RNF150: variants seen among roughly 807,000 people sequenced by gnomAD.
RNF150 encodes ring finger protein 150.
Under a neutral mutation model 39.3 loss-of-function variants are expected in RNF150, and 24 were observed. That is an observed-to-expected ratio of 0.61 (90% CI 0.44 to 0.86). The LOEUF is 0.86. Among genes scored for constraint, RNF150 ranks in the 40% least tolerant of loss-of-function variants. The probability of loss-of-function intolerance (pLI) is 0.00; values close to 1 mark genes in which losing one functional copy is unlikely to be tolerated. For synonymous variants in RNF150, 255 were observed against 227.3 expected, an observed-to-expected ratio of 1.12 and a Z score of -1.10; for missense variants, 502 against 587.8, an observed-to-expected ratio of 0.85 and a Z score of 1.51.
rs145144457 is a variant in RNF150, at chr4:140,956,800, G to A, written c.736-7428C>T. On this transcript the variant is annotated intron_variant, in intron 2 of 6. Transcript: ENST00000515673. ...GACAAACCTGAGAAAAACAAGCAAT[G>A]GGGAAAGGATTCCCTATTTAATAAA... 2.8e-3 allele frequency among the ~76,000 whole-genome samples: 430 copies of A among 151,972 alleles called. 1 individual carries two copies. Among genetic ancestry groups the A allele is most frequent in the African/African-American group, 9.7e-3 (401 of 41,414 alleles).
At chr4:141,017,029 T>C (rs536519594) in intron 1 of RNF150, among the ~76,000 whole-genome samples, 4 of 152,244 alleles carry the variant, frequency 2.6e-5, no homozygotes, top group Non-Finnish European at 4.4e-5. Flanking sequence ...ACTCCACATA[T>C]GAATCCTCTC....
At chr4:141,103,745 C>T (rs150328293) in intron 1 of RNF150, among the ~76,000 whole-genome samples, 319 of 152,054 alleles carry the variant, frequency 2.1e-3, no homozygotes, top group Non-Finnish European at 3.6e-3. Flanking sequence ...GTTAGAAAAA[C>T]AACTAATATA....
At chr4:140,929,656 G>A (rs561310662) in intron 4 of RNF150, among the ~76,000 whole-genome samples, 18 of 152,200 alleles carry the variant, frequency 1.2e-4, no homozygotes, top group African/African-American at 3.6e-4. Flanking sequence ...GTGAGACACC[G>A]TGCCCGGCCT....
chr4:141,140,945 T>A (rs73849846), intron 1 of RNF150, among the ~76,000 whole-genome samples: 1,847 of 152,346 alleles, frequency 0.012, 42 homozygotes, highest in African/African-American at 0.043. Context: ...CCCAGCTCTG[T>A]GCCTAATTTG....
At position 141,132,149 on chromosome 4, in the gene RNF150, T is replaced by C. The variant is rs1022554485; in HGVS notation, c.484+176A>G. On this transcript the variant is annotated intron_variant, in intron 1 of 6. Transcript: ENST00000515673. The surrounding 1 kb of genome is among the most constrained non-coding windows in gnomAD (Gnocchi z 4.9). ...CCCCTACCCAATACAGTTAATCTTC[T>C]CCTCTTTGTAAACCCCCCAAGTGAC... Among the ~76,000 whole-genome samples, 1 of 152,150 alleles carries C rather than the reference T, an allele frequency of 6.6e-6. No individual in the cohort carries two copies.
Position 140,881,524 on chromosome 4 carries a change from T to C in RNF150, c.1199-13145A>G, listed in dbSNP as rs577132760. Among the ~76,000 whole-genome samples the C allele has an allele frequency of 4.6e-5, 7 of 152,286 alleles. No individual in the cohort carries two copies. In the South Asian group the frequency reaches 6.2e-4, roughly 14 times the overall value. On this transcript the variant is annotated intron_variant, in intron 6 of 6. Coordinates refer to ENST00000515673, the MANE Select transcript of RNF150 (RefSeq NM_020724.2). ...GGTACATTACCTTTTTGTTTTCATTTGTCTCAAGACGTTTTCCAGTTTATC... is the reference window on the plus strand; with the variant it reads ...GGTACATTACCTTTTTGTTTTCATTCGTCTCAAGACGTTTTCCAGTTTATC...
chr4:140,886,206 A>G (rs984629585), intron 6 of RNF150, among the ~76,000 whole-genome samples: 2 of 151,776 alleles, frequency 1.3e-5, no homozygotes, highest in Admixed American at 6.6e-5. Context: ...AAAAAAAAAA[A>G]AAAAAGAAAA....
chr4:140,888,190 TGGG>T (rs1289444581), intron 6 of RNF150, among the ~76,000 whole-genome samples: 1 of 152,090 alleles, frequency 6.6e-6, no homozygotes, highest in Non-Finnish European at 1.5e-5. Context: ...ACTGGTATGT[TGGG>T]GGATGGGGAG....
chr4:141,205,451 T>C (rs1728359976), intron 1 of RNF150, among the ~76,000 whole-genome samples: 1 of 152,080 alleles, frequency 6.6e-6, no homozygotes, highest in Admixed American at 6.6e-5. Flanking sequence ...AAGGCAAAAT[T>C]AGAGAGGAAA....
intron 1 of RNF150, among the ~76,000 whole-genome samples, chr4:141,064,862 T>C (rs1361639931): frequency 6.6e-6 from 1 of 151,900 alleles, no homozygotes; most frequent in Non-Finnish European, 1.5e-5. Context: ...CCTGACAATT[T>C]TTGTTTGTTT....
At position 141,097,373 on chromosome 4, in the gene RNF150, C is replaced by G. The variant is rs1578726216; in HGVS notation, c.484+34952G>C. Among the ~76,000 whole-genome samples the G allele has an allele frequency of 2.0e-5, 3 of 152,256 alleles. No individual in the cohort carries two copies. In the South Asian group the frequency reaches 6.2e-4, roughly 32 times the overall value. On this transcript the variant is annotated intron_variant, in intron 1 of 6. Transcript: ENST00000515673. ...ATTTTGCAAACTTTGCTTATATTTT[C>G]TTCATACATATAGTTGGGCATAATC...
At chr4:141,000,003 AAG>A (rs1734561452) in intron 1 of RNF150, among the ~76,000 whole-genome samples, 3 of 32,678 alleles carry the variant, frequency 9.2e-5, no homozygotes, top group Non-Finnish European at 1.5e-4. Context: ...AAAGAAGAAG[AAG>A]AAGAAGAAGA....
chr4:140,999,471 A>G (rs1045255718), intron 1 of RNF150, among the ~76,000 whole-genome samples: 2 of 152,230 alleles, frequency 1.3e-5, no homozygotes, highest in African/African-American at 4.8e-5. Flanking sequence ...TGATGTAGCA[A>G]CATCTAGGAA....
chr4:140,929,769 A>G (rs1731552521), intron 4 of RNF150, among the ~76,000 whole-genome samples: 1 of 152,144 alleles, frequency 6.6e-6, no homozygotes, highest in Non-Finnish European at 1.5e-5. Context: ...GATGTGGTTA[A>G]TATCTACAAT....
intron 6 of RNF150, among the ~76,000 whole-genome samples, chr4:140,874,853 C>G (rs879305984): frequency 1.3e-5 from 2 of 152,132 alleles, no homozygotes; most frequent in Non-Finnish European, 2.9e-5. Context: ...AAAGTAGAAA[C>G]AAGATCTCAC....
chr4:141,207,700 C>G, intron 1 of RNF150, among the ~76,000 whole-genome samples: 1 of 152,228 alleles, frequency 6.6e-6, no homozygotes, highest in Non-Finnish European at 1.5e-5. Context: ...TTCCAACCTA[C>G]GGAAGCTGTG....
chr4:140,940,040 G>C (rs1732022774), intron 4 of RNF150, among the ~76,000 whole-genome samples: 1 of 152,190 alleles, frequency 6.6e-6, no homozygotes, highest in South Asian at 2.1e-4. Context: ...GCCACTGACA[G>C]TGTGTTGTGT....
chr4:140,888,252 A>G (rs1231225286), intron 6 of RNF150, among the ~76,000 whole-genome samples: 4 of 152,174 alleles, frequency 2.6e-5, no homozygotes, highest in African/African-American at 7.2e-5. Flanking sequence ...AAAAGGTGAC[A>G]GACTCACTCT....
At chr4:140,994,214 A>G (rs1262928586) in intron 1 of RNF150, among the ~76,000 whole-genome samples, 1 of 152,176 alleles carries the variant, frequency 6.6e-6, no homozygotes, top group Non-Finnish European at 1.5e-5. Flanking sequence ...CTGCTTCAAA[A>G]CAGCTCAGCC....
Sources: gnomAD v4.1 joint callset for allele counts (sites outside exome capture counted in the v4.1 genomes callset) on GRCh38, gnomAD v4.1.1 for gene constraint, Gnocchi (gnomAD v3.1) non-coding constraint, MANE v1.5 for transcripts, NCBI Gene and HGNC (gene_info 2026-07-23, HGNC 2026-07-21) for gene names.